KCTD16: variants seen among roughly 807,000 people sequenced by gnomAD.
The protein encoded by KCTD16 is BTB/POZ domain-containing protein KCTD16.
KCTD16 carries 13 observed loss-of-function variants against 33.2 expected under a neutral mutation model. The observed-to-expected ratio is 0.39, with a 90% CI of 0.25 to 0.62. The LOEUF is 0.62. Ranked by LOEUF, KCTD16 falls within the 20% of genes least tolerant of loss-of-function variation. The pLI is 0.50. For synonymous variants in KCTD16, 197 were observed against 195.3 expected (o/e 1.01, Z -0.07); for missense variants, 441 against 525.1 (o/e 0.84, Z 1.57).
At chr5:144,233,846 A>T (rs1447463577) in intron 3 of KCTD16, among the ~76,000 whole-genome samples, 4 of 152,166 alleles carry the variant, frequency 2.6e-5, no homozygotes, top group Non-Finnish European at 4.4e-5. Flanking sequence ...CTGCCCTGGC[A>T]GTCAATCCTA....
intron 3 of KCTD16, among the ~76,000 whole-genome samples, chr5:144,336,875 G>A (rs1403952783): frequency 1.3e-5 from 2 of 151,766 alleles, no homozygotes; most frequent in African/African-American, 4.8e-5. Context: ...GAAACTACCT[G>A]GAAGGTTGCT....
At chr5:144,291,452 A>G (rs1205078516) in intron 3 of KCTD16, among the ~76,000 whole-genome samples, 1 of 152,198 alleles carries the variant, frequency 6.6e-6, no homozygotes, top group African/African-American at 2.4e-5. Flanking sequence ...ATGGCACACA[A>G]CATATTATTC....
chr5:144,288,291 A>T lies in KCTD16; in HGVS notation c.832+80745A>T, dbSNP rs541860925. ...CTTGAACAAATTGCTTAAATTTGTG[A>T]AACTCAAATTTGCAAAACTGTGAAT... On this transcript the variant is annotated intron_variant, in intron 3 of 3. Transcript: ENST00000512467. Among the ~76,000 whole-genome samples, 270 of 152,336 alleles carry T rather than the reference A, an allele frequency of 1.8e-3. 2 individuals carry two copies. The highest frequency in any genetic ancestry group is 6.4e-3 in the African/African-American group (264 of 41,574).
intron 3 of KCTD16, among the ~76,000 whole-genome samples, chr5:144,244,654 G>T (rs1754500762): frequency 6.6e-6 from 1 of 152,050 alleles, no homozygotes; most frequent in Non-Finnish European, 1.5e-5. Flanking sequence ...GTTTTTGCTT[G>T]GGATTGGAGA....
In KCTD16 at chr5:144,255,413, A is replaced by AT. The variant is rs147724172; in HGVS notation, c.832+47871dup. On this transcript the variant is annotated intron_variant, in intron 3 of 3. Transcript: ENST00000512467. ...TAAGTTTTAGGGGAACCTCCATTCC[A>AT]TTTTCCATCAGCTGCACCATTTTGC... 9.8e-3 allele frequency among the ~76,000 whole-genome samples: 1,492 copies of AT among 151,996 alleles called. 21 individuals carry two copies. Among genetic ancestry groups the AT allele is most frequent in the African/African-American group, 0.034 (1,401 of 41,452 alleles).
chr5:144,172,055 G>T (rs527494504), intron 1 of KCTD16, among the ~76,000 whole-genome samples: 1 of 152,144 alleles, frequency 6.6e-6, no homozygotes, highest in Non-Finnish European at 1.5e-5. Context: ...CCAGACCATT[G>T]TTGGGGACTA....
At chr5:144,349,445 C>T (rs1022416005) in intron 3 of KCTD16, among the ~76,000 whole-genome samples, 1 of 152,102 alleles carries the variant, frequency 6.6e-6, no homozygotes, top group African/African-American at 2.4e-5. Flanking sequence ...TTTTATCATT[C>T]CTGAAAAAGT....
intron 3 of KCTD16, among the ~76,000 whole-genome samples, chr5:144,464,467 A>G (rs1182780069): frequency 1.3e-5 from 2 of 152,222 alleles, no homozygotes; most frequent in African/African-American, 4.8e-5. Context: ...TACTAATGGC[A>G]ATAAATGGAT....
intron 3 of KCTD16, among the ~76,000 whole-genome samples, chr5:144,333,478 A>G (rs1389786547): frequency 6.6e-6 from 1 of 152,084 alleles, no homozygotes; most frequent in Non-Finnish European, 1.5e-5. Flanking sequence ...ATGTAGCCTG[A>G]GAGTGTGTAG....
chr5:144,341,820 T>C (rs568263604), intron 3 of KCTD16, among the ~76,000 whole-genome samples: 1 of 152,328 alleles, frequency 6.6e-6, no homozygotes, highest in Admixed American at 6.5e-5. Context: ...AAATTGAATA[T>C]GCTTAGCCCC....
chr5:144,390,655 G>C (rs1391117547), intron 3 of KCTD16, among the ~76,000 whole-genome samples: 2 of 151,886 alleles, frequency 1.3e-5, no homozygotes, highest in African/African-American at 4.8e-5. Context: ...TTAGGTATTT[G>C]TCCTAATGCT....
chr5:144,185,312 G>A (rs924563590), intron 2 of KCTD16, among the ~76,000 whole-genome samples: 2 of 152,162 alleles, frequency 1.3e-5, no homozygotes, highest in African/African-American at 4.8e-5. Flanking sequence ...GTATAAGTTT[G>A]TATTTCAGAC....
chr5:144,217,263 A>T (rs1363595376), intron 3 of KCTD16, among the ~76,000 whole-genome samples: 1 of 152,218 alleles, frequency 6.6e-6, no homozygotes, highest in African/African-American at 2.4e-5. Flanking sequence ...ATGCCTGCCA[A>T]ATTACACAGT....
chr5:144,306,559 G>A (rs1751607509), intron 3 of KCTD16, among the ~76,000 whole-genome samples: 1 of 152,176 alleles, frequency 6.6e-6, no homozygotes, highest in Admixed American at 6.5e-5. Flanking sequence ...TCATGCAGTG[G>A]GCTTTACAAA....
intron 3 of KCTD16, among the ~76,000 whole-genome samples, chr5:144,424,203 C>T (rs927502843): frequency 6.6e-6 from 1 of 152,100 alleles, no homozygotes. Flanking sequence ...ATATTTAATG[C>T]CCTAAAACCT....
At chr5:144,334,785 GTT>G (rs2126893868) in intron 3 of KCTD16, among the ~76,000 whole-genome samples, 1 of 152,006 alleles carries the variant, frequency 6.6e-6, no homozygotes, top group Non-Finnish European at 1.5e-5. Context: ...TTTTTTGTTT[GTT>G]TTGTTTTTAG....
At chr5:144,242,730 T>C (rs748741336) in intron 3 of KCTD16, among the ~76,000 whole-genome samples, 4 of 152,094 alleles carry the variant, frequency 2.6e-5, no homozygotes, top group Non-Finnish European at 4.4e-5. Flanking sequence ...CTGATGTGTG[T>C]AGAGATTGCA....
intron 3 of KCTD16, among the ~76,000 whole-genome samples, chr5:144,349,589 C>T (rs962949818): frequency 1.3e-5 from 2 of 152,176 alleles, no homozygotes; most frequent in African/African-American, 4.8e-5. Flanking sequence ...ATCTTCTCGC[C>T]TCTTTGAATC....
chr5:144,251,003 G>A (rs559834538), intron 3 of KCTD16, among the ~76,000 whole-genome samples: 1 of 152,142 alleles, frequency 6.6e-6, no homozygotes, highest in South Asian at 2.1e-4. Context: ...TCGATAAGTA[G>A]CCACATTTTT....
Sources: gnomAD v4.1 joint callset for allele counts (sites outside exome capture counted in the v4.1 genomes callset) on GRCh38, gnomAD v4.1.1 for gene constraint, MANE v1.5 for transcripts, NCBI Gene and HGNC (gene_info 2026-07-23, HGNC 2026-07-21) for gene names.